COL4A1: variants seen among roughly 807,000 people sequenced by gnomAD.
COL4A1 encodes collagen alpha-1(IV) chain.
COL4A1 carries 40 observed loss-of-function variants against 216.6 expected under a neutral mutation model. That is an observed-to-expected ratio of 0.18 (90% CI 0.14 to 0.24). COL4A1 has a LOEUF of 0.24. COL4A1 is among the 10% of genes least tolerant of loss of function. The probability of loss-of-function intolerance (pLI) is 1.00; values close to 1 mark genes in which losing one functional copy is unlikely to be tolerated. For missense variants in COL4A1, 1,628 were observed against 2,196.8 expected, an observed-to-expected ratio of 0.74 and a Z score of 5.18; for synonymous variants, 839 against 810.7, an observed-to-expected ratio of 1.03 and a Z score of -0.59.
intron 1 of COL4A1, among the ~76,000 whole-genome samples, chr13:110,271,507 C>T (rs951451701): frequency 1.3e-5 from 2 of 152,156 alleles, no homozygotes; most frequent in African/African-American, 2.4e-5. Context: ...GAACACATGA[C>T]CTGGATTTAG....
At chr13:110,197,631 G>A (rs1402193175) in intron 21 of COL4A1, among the ~76,000 whole-genome samples, 6 of 152,260 alleles carry the variant, frequency 3.9e-5, no homozygotes, top group South Asian at 2.1e-4. Context: ...ATTCCCCATC[G>A]AAGCTGCCAG....
At chr13:110,206,605 G>T in intron 15 of COL4A1, 60 bp downstream of exon 15, 1 of 1,562,998 alleles carries the variant, frequency 6.4e-7, no homozygotes, top group Non-Finnish European at 8.8e-7. Flanking sequence ...CTGTGAATCT[G>T]CGATTTTCCG....
chr13:110,285,288 C>T (rs1231175362), intron 1 of COL4A1, among the ~76,000 whole-genome samples: 2 of 152,188 alleles, frequency 1.3e-5, no homozygotes, highest in Non-Finnish European at 2.9e-5. Flanking sequence ...TGGGCTCTTA[C>T]GTGTGCTGCG....
At chr13:110,224,534 G>C (rs974648640) in intron 2 of COL4A1, among the ~76,000 whole-genome samples, 1 of 152,132 alleles carries the variant, frequency 6.6e-6, no homozygotes, top group Admixed American at 6.5e-5. Flanking sequence ...TGTTGGTCAG[G>C]CTGGTCTTGA....
At position 110,227,870 on chromosome 13, in the gene COL4A1, A is replaced by AG. The variant is rs374041874; in HGVS notation, c.145-13856dup. ...TTGGGATAACAAATCAGGCAAGGAC[A>AG]GGGAGGCAGCCCTGTCTCGGGTCTC... is the stretch of plus-strand genomic sequence containing the variant. On this transcript the variant is annotated intron_variant, in intron 2 of 51. Transcript: ENST00000375820. Among the ~76,000 whole-genome samples, 367 of 152,332 alleles carry AG rather than the reference A, an allele frequency of 2.4e-3. 2 individuals are homozygous for AG. Among genetic ancestry groups the AG allele is most frequent in the African/African-American group, 8.2e-3 (343 of 41,584 alleles).
At chr13:110,171,699 G>C (rs967332599) in intron 41 of COL4A1, among the ~76,000 whole-genome samples, 1 of 152,222 alleles carries the variant, frequency 6.6e-6, no homozygotes, top group African/African-American at 2.4e-5. Flanking sequence ...ACAGCAATGA[G>C]TGGAAAACGC....
intron 40 of COL4A1, among the ~76,000 whole-genome samples, chr13:110,173,164 A>T (rs578002811): frequency 6.6e-6 from 1 of 152,328 alleles, no homozygotes; most frequent in Admixed American, 6.5e-5. Flanking sequence ...GGAGATGACA[A>T]ACGTCAGCAA....
At chr13:110,281,787 T>A (rs1023459552) in intron 1 of COL4A1, among the ~76,000 whole-genome samples, 15 of 152,274 alleles carry the variant, frequency 9.9e-5, no homozygotes, top group African/African-American at 3.6e-4. Flanking sequence ...GAACATCAAT[T>A]CCCCTCTCAC....
chr13:110,162,865 A>C (rs1031987062), intron 47 of COL4A1, among the ~76,000 whole-genome samples: 1 of 152,216 alleles, frequency 6.6e-6, no homozygotes, highest in Non-Finnish European at 1.5e-5. Flanking sequence ...CCTCATCTTA[A>C]GGTGTTTCTT....
intron 50 of COL4A1, 89 bp downstream of exon 50, chr13:110,155,194 C>A: frequency 1.1e-6 from 1 of 928,424 alleles, no homozygotes; most frequent in Non-Finnish European, 1.8e-6. Context: ...ATGCAGAGAA[C>A]TCCAAGGTGT....
intron 1 of COL4A1, among the ~76,000 whole-genome samples, chr13:110,294,954 T>C (rs1228974792): frequency 1.3e-5 from 2 of 152,264 alleles, no homozygotes; most frequent in Non-Finnish European, 2.9e-5. Context: ...GGTCTACTTA[T>C]GTAGTGTATA....
At chr13:110,166,455 C>A in intron 44 of COL4A1, 152 bp from the exon 45 acceptor site, 2 of 712,206 alleles carry the variant, frequency 2.8e-6, no homozygotes, top group Admixed American at 2.0e-5. Context: ...ATATGCATAC[C>A]CATATATACA....
At chr13:110,285,568 T>A (rs753708590) in intron 1 of COL4A1, among the ~76,000 whole-genome samples, 29 of 152,192 alleles carry the variant, frequency 1.9e-4, no homozygotes, top group Non-Finnish European at 3.2e-4. Context: ...TCTGGGTGGG[T>A]CTGTGAGGTG....
intron 20 of COL4A1, 144 bp downstream of exon 20, chr13:110,200,710 T>C: frequency 1.1e-6 from 1 of 895,828 alleles, no homozygotes; most frequent in Non-Finnish European, 1.8e-6. Context: ...TTGTCTACTC[T>C]GCTTTCATCA....
chr13:110,155,181 G>A (rs561489649), intron 50 of COL4A1, 102 bp downstream of exon 50: 349 of 841,726 alleles, frequency 4.1e-4, no homozygotes, highest in Non-Finnish European at 6.1e-4. Flanking sequence ...CTTAAGCAGC[G>A]AGATGCAGAG....
chr13:110,175,610 T>C (rs940599530), intron 36 of COL4A1, among the ~76,000 whole-genome samples: 23 of 152,342 alleles, frequency 1.5e-4, no homozygotes, highest in Middle Eastern at 3.4e-3. Context: ...CATCATGTTA[T>C]AAGACAGGGA....
At chr13:110,262,139 CAGT>C (rs544261274) in intron 1 of COL4A1, among the ~76,000 whole-genome samples, 1 of 152,190 alleles carries the variant, frequency 6.6e-6, no homozygotes, top group South Asian at 2.1e-4. Flanking sequence ...ACCCCGTGTG[CAGT>C]AGGAGCTTCA....
chr13:110,166,372 A>C, intron 44 of COL4A1, 69 bp from the exon 45 acceptor site: 5 of 971,090 alleles, frequency 5.1e-6, no homozygotes, highest in South Asian at 2.6e-5. Context: ...GTGTGTATAT[A>C]TCTCTCTCTA....
chr13:110,233,715 G>A (rs910031084), intron 2 of COL4A1, among the ~76,000 whole-genome samples: 3 of 152,142 alleles, frequency 2.0e-5, no homozygotes, highest in East Asian at 3.9e-4. Context: ...AAACCACAAC[G>A]TTGATTAGAA....
Sources: allele counts gnomAD v4.1 joint callset (sites outside exome capture counted in the v4.1 genomes callset), GRCh38; gene constraint gnomAD v4.1.1; transcripts MANE v1.5; gene names NCBI Gene and HGNC (gene_info 2026-07-23, HGNC 2026-07-21).